LEPR: variants seen among roughly 807,000 people sequenced by gnomAD.
LEPR encodes OB receptor.
LEPR carries 56 observed loss-of-function variants against 114.7 expected under a neutral mutation model. The observed-to-expected ratio is 0.49, with a 90% confidence interval of 0.39 to 0.61. The LOEUF is 0.61. LEPR is among the 20% of genes least tolerant of loss of function. LEPR has a pLI of 0.00. For missense variants in LEPR, 1,202 were observed against 1,352.9 expected (o/e 0.89, Z 1.75); for synonymous variants, 443 against 461.4 (o/e 0.96, Z 0.51).
intron 2 of LEPR, among the ~76,000 whole-genome samples, chr1:65,494,345 A>C (rs1417865446): frequency 3.3e-5 from 5 of 152,152 alleles, no homozygotes; most frequent in Non-Finnish European, 5.9e-5. Context: ...TTACAGCATT[A>C]GGGGAAAGTC....
At chr1:65,487,247 G>A (rs920276467) in intron 2 of LEPR, among the ~76,000 whole-genome samples, 6 of 152,082 alleles carry the variant, frequency 3.9e-5, no homozygotes, top group African/African-American at 1.2e-4. Context: ...TTGCTGCTGC[G>A]AAGGATGTTG....
chr1:65,601,894 C>T lies in LEPR; in HGVS notation c.1337C>T (p.Thr446Ile). 1 of 1,613,680 alleles carries T rather than the reference C, an allele frequency of 6.2e-7. No individual in the cohort carries two copies. Among genetic ancestry groups the T allele is most frequent in the African/African-American group, 1.3e-5 (1 of 75,012 alleles). Residue 446 changes from threonine to isoleucine, a missense_variant, in exon 10 of 20, where the codon ACT becomes ATT. Thr to Ile is a moderately conservative substitution (Grantham distance 89). Coordinates refer to ENST00000349533, the MANE Select transcript of LEPR (RefSeq NM_002303.6). ...ACTGATGGGTACTTAACTAAAATGACTTGCAGATGGTCAACCAGTACAATC... is the reference window on the plus strand; with the variant it reads ...ACTGATGGGTACTTAACTAAAATGATTTGCAGATGGTCAACCAGTACAATC... ...CETDGYLTKMTCRWSTSTIQS... is the reference protein window; with the variant it reads ...CETDGYLTKMICRWSTSTIQS...
intron 2 of LEPR, among the ~76,000 whole-genome samples, chr1:65,431,243 A>G (rs990924827): frequency 3.3e-5 from 5 of 152,192 alleles, no homozygotes; most frequent in African/African-American, 1.2e-4. Context: ...TTTGTGAAGA[A>G]ACTTTCATTG....
intron 2 of LEPR, among the ~76,000 whole-genome samples, chr1:65,490,311 G>A (rs1347198945): frequency 2.0e-5 from 3 of 152,076 alleles, no homozygotes; most frequent in African/African-American, 7.2e-5. Context: ...GTGTTTTAAT[G>A]TGTAATGGCA....
intron 2 of LEPR, among the ~76,000 whole-genome samples, chr1:65,532,595 C>T (rs188547073): frequency 1.9e-4 from 29 of 152,184 alleles, no homozygotes; most frequent in Non-Finnish European, 2.6e-4. Context: ...TGTCCATACA[C>T]TGATGAATGG....
intron 2 of LEPR, among the ~76,000 whole-genome samples, chr1:65,489,446 C>T (rs192753459): frequency 1.2e-3 from 190 of 152,092 alleles, no homozygotes; most frequent in Admixed American, 3.3e-3. Context: ...AGATGTTTTG[C>T]CCATTTGTAA....
chr1:65,450,774 TC>T (rs1376108656), intron 2 of LEPR, among the ~76,000 whole-genome samples: 5 of 151,600 alleles, frequency 3.3e-5, no homozygotes, highest in Non-Finnish European at 5.9e-5. Flanking sequence ...TGATTTATAG[TC>T]CTTTGGGTAT....
At position 65,474,222 on chromosome 1, in the gene LEPR, G is replaced by T. The variant is rs542437784; in HGVS notation, c.-21+48844G>T. ...TAAGCTGTCTTTGACCTATGATTCT[G>T]TACATCTCCTGATATTGACATAGCT... On this transcript the variant is annotated intron_variant, in intron 2 of 19. Coordinates refer to ENST00000349533, the MANE Select transcript of LEPR (RefSeq NM_002303.6). 7.2e-5 allele frequency among the ~76,000 whole-genome samples: 11 copies of T among 152,196 alleles called. No individual in the cohort carries two copies. The South Asian group carries it at 2.3e-3, about 32-fold the overall frequency.
intron 17 of LEPR, among the ~76,000 whole-genome samples, chr1:65,620,598 A>C (rs192334780): frequency 1.3e-5 from 2 of 152,186 alleles, no homozygotes; most frequent in African/African-American, 4.8e-5. Flanking sequence ...GTGGCACTTT[A>C]GTTGATAGCC....
At chr1:65,554,062 T>G (rs1652631262) in intron 2 of LEPR, among the ~76,000 whole-genome samples, 1 of 152,330 alleles carries the variant, frequency 6.6e-6, no homozygotes, top group South Asian at 2.1e-4. Flanking sequence ...GATTCCTGCC[T>G]GTTCCTTTCT....
intron 5 of LEPR, among the ~76,000 whole-genome samples, chr1:65,585,125 G>A (rs1252446172): frequency 6.6e-6 from 1 of 151,944 alleles, no homozygotes; most frequent in Non-Finnish European, 1.5e-5. Flanking sequence ...TCTAGTCTGG[G>A]ACAATAACTC....
intron 11 of LEPR, among the ~76,000 whole-genome samples, chr1:65,605,546 G>A (rs1028701094): frequency 2.0e-5 from 3 of 152,006 alleles, no homozygotes; most frequent in Non-Finnish European, 4.4e-5. Context: ...TTATGTTTTT[G>A]TTCCAATGTA....
chr1:65,531,138 G>T (rs1029502907), intron 2 of LEPR, among the ~76,000 whole-genome samples: 2 of 152,040 alleles, frequency 1.3e-5, no homozygotes, highest in African/African-American at 4.8e-5. Context: ...TACCTGTCTG[G>T]TCTCATTTCC....
At chr1:65,575,732 G>T (rs1240501253) in intron 5 of LEPR, among the ~76,000 whole-genome samples, 2 of 151,472 alleles carry the variant, frequency 1.3e-5, no homozygotes, top group Non-Finnish European at 2.9e-5. Context: ...CATTAAAGGG[G>T]ATTAAAAAGA....
At position 65,420,714 on chromosome 1, in the gene LEPR, G is replaced by A; in HGVS notation, c.-123G>A. ...GAAGCCGGAAGCAGCCGCGGCCCCA[G>A]TTCGGGAGACATGGCGGGCGTTAAA... On this transcript the variant is annotated 5_prime_UTR_variant, in exon 1 of 20. Transcript: ENST00000349533. 6.3e-7 allele frequency: 1 copy of A among 1,582,664 alleles called. No individual in the cohort carries two copies. Among genetic ancestry groups the A allele is most frequent in the Non-Finnish European group, 8.6e-7 (1 of 1,166,634 alleles).
chr1:65,453,065 A>G (rs1052177071), intron 2 of LEPR, among the ~76,000 whole-genome samples: 88 of 152,216 alleles, frequency 5.8e-4, no homozygotes, highest in African/African-American at 1.8e-3. Flanking sequence ...GTTTATTTGC[A>G]TAGAGGTGTT....
intron 2 of LEPR, among the ~76,000 whole-genome samples, chr1:65,553,677 A>G (rs1782761): frequency 0.73 from 111,149 of 151,870 alleles, 41,825 homozygotes; most frequent in Middle Eastern, 0.9. Context: ...CTTTAGCTCA[A>G]AGGAGTTTGT....
intron 15 of LEPR, among the ~76,000 whole-genome samples, chr1:65,617,324 A>AG (rs1469102685): frequency 2.0e-5 from 3 of 152,248 alleles, no homozygotes; most frequent in Non-Finnish European, 4.4e-5. Flanking sequence ...AGCCACCTTG[A>AG]GGAAGTGGTA....
rs1368219936 is a variant in LEPR, at chr1:65,637,653, G to A, written c.*638G>A. The A allele has an allele frequency of 1.3e-5, 2 of 152,194 alleles. No individual in the cohort carries two copies. Among genetic ancestry groups the A allele is most frequent in the African/African-American group, 4.8e-5 (2 of 41,454 alleles). The allele number at this position is 152,194 out of a possible 1,614,324, so 9.4% of individuals were successfully genotyped here. A position where few individuals can be genotyped will look rare whatever the true frequency, so the allele number is the denominator to read the frequency against. ...AAGCACTTTTGAAAACATAATGTCAGTTTTAATTCTTCTCTCTGAAAGATG... is the reference window on the plus strand; with the variant it reads ...AAGCACTTTTGAAAACATAATGTCAATTTTAATTCTTCTCTCTGAAAGATG... On this transcript the variant is annotated 3_prime_UTR_variant, in exon 20 of 20. Transcript: ENST00000349533.
Sources: allele counts gnomAD v4.1 joint callset (sites outside exome capture counted in the v4.1 genomes callset), GRCh38; gene constraint gnomAD v4.1.1; transcripts MANE v1.5; gene names NCBI Gene and HGNC (gene_info 2026-07-23, HGNC 2026-07-21).